Variants in MAEA observed in about 807,000 individuals in gnomAD.
MAEA encodes E3 ubiquitin-protein transferase MAEA.
MAEA carries 22 observed loss-of-function variants against 46.2 expected under a neutral mutation model. The ratio of observed to expected loss-of-function variants is 0.48; its 90% CI spans 0.34 to 0.68. MAEA has a LOEUF of 0.68. MAEA is among the 30% of genes least tolerant of loss of function. MAEA has a pLI of 0.01. For synonymous variants in MAEA, 246 were observed against 222.6 expected (o/e 1.11, Z -0.94); for missense variants, 393 against 558.1 (o/e 0.70, Z 2.98).
At chr4:1,313,236 G>T (rs939695336) in intron 2 of MAEA, among the ~76,000 whole-genome samples, 1 of 152,210 alleles carries the variant, frequency 6.6e-6, no homozygotes, top group African/African-American at 2.4e-5. Context: ...TTCTTGGGGA[G>T]GATACCTTCA....
intron 1 of MAEA, among the ~76,000 whole-genome samples, chr4:1,290,555 A>G (rs1733998572): frequency 6.6e-6 from 1 of 152,242 alleles, no homozygotes; most frequent in South Asian, 2.1e-4. Flanking sequence ...ACTTCTTAGA[A>G]TGAAATTTGT....
At chr4:1,322,770 CAG>C (rs1468252428) in intron 4 of MAEA, among the ~76,000 whole-genome samples, 1 of 152,092 alleles carries the variant, frequency 6.6e-6, no homozygotes, top group East Asian at 1.9e-4. Context: ...CATGTGCACA[CAG>C]AGTGTTGGGG....
chr4:1,334,127 C>T (rs569016504), intron 6 of MAEA, among the ~76,000 whole-genome samples: 1 of 69,790 alleles, frequency 1.4e-5, no homozygotes, highest in South Asian at 4.3e-4. Flanking sequence ...CATGCCCACC[C>T]CATGCCCACC....
At chr4:1,306,408 A>G (rs142108682) in intron 1 of MAEA, among the ~76,000 whole-genome samples, 3,139 of 152,280 alleles carry the variant, frequency 0.021, 121 homozygotes, top group African/African-American at 0.071. Context: ...CTAGCTACTC[A>G]GGAGGCTGAG....
chr4:1,303,477 A>G (rs1735533159), intron 1 of MAEA, among the ~76,000 whole-genome samples: 1 of 152,112 alleles, frequency 6.6e-6, no homozygotes, highest in South Asian at 2.1e-4. Flanking sequence ...ACAAATAGGT[A>G]TACGAATACC....
chr4:1,322,943 CTTTTTTT>C (rs60692981), intron 4 of MAEA, among the ~76,000 whole-genome samples: 4 of 75,246 alleles, frequency 5.3e-5, no homozygotes, highest in African/African-American at 2.5e-4. Context: ...TGAATACCCA[CTTTTTTT>C]TTTTTTTTTT....
chr4:1,316,272 C>T (rs1460863793), intron 3 of MAEA, among the ~76,000 whole-genome samples: 1 of 151,480 alleles, frequency 6.6e-6, no homozygotes, highest in African/African-American at 2.4e-5. Context: ...CCTCTGGCAC[C>T]TTTGGGCCAG....
chr4:1,327,580 C>A, intron 4 of MAEA, 47 bp from the exon 5 acceptor site: 1 of 1,429,964 alleles, frequency 7.0e-7, no homozygotes, highest in Non-Finnish European at 9.9e-7. Flanking sequence ...GGCACCTGGG[C>A]TCTGTGGGAT....
chr4:1,300,190 G>A (rs73796067), intron 1 of MAEA, among the ~76,000 whole-genome samples: 3,390 of 152,282 alleles, frequency 0.022, 132 homozygotes, highest in African/African-American at 0.075. Flanking sequence ...AGCATCCTTA[G>A]CAGGCAGCCT....
intron 3 of MAEA, among the ~76,000 whole-genome samples, chr4:1,319,412 T>C (rs1320562502): frequency 1.3e-5 from 2 of 152,038 alleles, no homozygotes; most frequent in East Asian, 3.9e-4. Context: ...TTCACTTAGA[T>C]GGTTTCTAGT....
At chr4:1,305,766 C>T (rs545987054) in intron 1 of MAEA, among the ~76,000 whole-genome samples, 2 of 68,902 alleles carry the variant, frequency 2.9e-5, no homozygotes, top group South Asian at 4.9e-4. Flanking sequence ...CACGTGCGCA[C>T]GCGTGCGTGT....
At chr4:1,333,662 G>A (rs914852151) in intron 6 of MAEA, among the ~76,000 whole-genome samples, 1 of 124,096 alleles carries the variant, frequency 8.1e-6, no homozygotes. Context: ...CTCTGCACCC[G>A]TGCCCACCCC....
intron 7 of MAEA, 63 bp downstream of exon 7, chr4:1,337,057 A>C: frequency 3.2e-6 from 5 of 1,578,580 alleles, no homozygotes; most frequent in Non-Finnish European, 4.3e-6. Context: ...TCATATTTTA[A>C]CACGCTGACC....
intron 1 of MAEA, chr4:1,309,467 G>A (rs1560343000): frequency 1.5e-6 from 2 of 1,316,326 alleles, no homozygotes; most frequent in East Asian, 5.7e-5. Flanking sequence ...GGGGGGCGTG[G>A]ATGTGGGGAG....
intron 3 of MAEA, among the ~76,000 whole-genome samples, chr4:1,321,861 GTTTTTTTTGTTGT>G (rs950849667): frequency 1.5e-5 from 2 of 134,864 alleles, no homozygotes; most frequent in African/African-American, 6.0e-5. Context: ...GGGTTACTCT[GTTTTTTTTGTTGT>G]TTTTTTTTTT....
intron 5 of MAEA, 52 bp from the exon 6 acceptor site, chr4:1,332,704 TA>T: frequency 6.9e-7 from 1 of 1,447,524 alleles, no homozygotes; most frequent in Non-Finnish European, 9.6e-7. Flanking sequence ...ACCCTGTCTC[TA>T]AAAGTTAAAA....
chr4:1,331,972 G>A (rs1049564075), intron 5 of MAEA: 2 of 152,906 alleles, frequency 1.3e-5, no homozygotes, highest in African/African-American at 4.8e-5. Flanking sequence ...GCTCAGGGCT[G>A]AGAGGGCTGG....
chr4:1,333,402 G>A lies in MAEA; in HGVS notation c.765+537G>A, dbSNP rs534617610. On this transcript the variant is annotated intron_variant, in intron 6 of 8. Transcript: ENST00000303400. ...GCCTTTCAGCCTGGAGCGTTCAGCC[G>A]GGGCCCAGCTTCCTTGCCTGTCCCC... 2.6e-5 allele frequency among the ~76,000 whole-genome samples: 4 copies of A among 151,832 alleles called. No individual in the cohort carries two copies. In the South Asian group the frequency reaches 8.3e-4, roughly 32 times the overall value.
At chr4:1,328,801 C>T in intron 5 of MAEA, 1 of 1,085,086 alleles carries the variant, frequency 9.2e-7, no homozygotes, top group Non-Finnish European at 1.1e-6. Context: ...CTGATGCTGA[C>T]CTGGGCGCAT....
Sources: gnomAD v4.1 joint callset for allele counts (sites outside exome capture counted in the v4.1 genomes callset) on GRCh38, gnomAD v4.1.1 for gene constraint, MANE v1.5 for transcripts, NCBI Gene and HGNC (gene_info 2026-07-23, HGNC 2026-07-21) for gene names.